The following SYNPO variants were observed in gnomAD, a reference collection of about 807,000 sequenced individuals.
SYNPO encodes the protein synaptopodin.
In SYNPO, 19 loss-of-function variants were observed where a neutral mutation model predicts 49.5. The observed-to-expected ratio is 0.38, with a 90% CI of 0.27 to 0.56. SYNPO has a LOEUF of 0.56. SYNPO is among the 20% of genes least tolerant of loss of function. SYNPO has a pLI of 0.68. For missense variants in SYNPO, 1,131 were observed against 1,248.3 expected (o/e 0.91, Z 1.42); for synonymous variants, 536 against 548.0 (o/e 0.98, Z 0.31).
At chr5:150,600,528 C>T (rs1001746118), upstream of SYNPO, among the ~76,000 whole-genome samples, 1 of 152,238 alleles carries the variant, frequency 6.6e-6, no homozygotes, top group Non-Finnish European at 1.5e-5. Context: ...GCCTTGGCTC[C>T]CCATCTCTGC....
At position 150,651,425 on chromosome 5, in the gene SYNPO, C is replaced by T. The variant is rs3776835; in HGVS notation, c.2028+1122C>T. On this transcript the variant is annotated intron_variant, in intron 2 of 2. Coordinates refer to ENST00000307662, the MANE Select transcript of SYNPO (RefSeq NM_007286.6). Reference sequence around the variant, plus strand: ...AATCTGTGAGGATTGAGAGGATAGGCTGGTGCTTTGAAGAAAGGCCTTGTA... The same window carrying T: ...AATCTGTGAGGATTGAGAGGATAGGTTGGTGCTTTGAAGAAAGGCCTTGTA... The T allele has an allele frequency of 0.021, 21,047 of 1,000,394 alleles. 3,021 individuals carry two copies. The African/African-American group carries it at 0.31, about 15-fold the overall frequency. The allele number at this position is 1,000,394 out of a possible 1,614,324, so 62.0% of individuals were successfully genotyped here.
chr5:150,623,123 A>G (rs755812433), intron 2 of SYNPO, among the ~76,000 whole-genome samples: 4 of 152,194 alleles, frequency 2.6e-5, no homozygotes, highest in Non-Finnish European at 5.9e-5. Flanking sequence ...ATCTGAAAAC[A>G]TATAAGCAGA....
the SYNPO span, among the ~76,000 whole-genome samples, chr5:150,591,702 C>G: frequency 6.6e-6 from 1 of 152,158 alleles, no homozygotes; most frequent in African/African-American, 2.4e-5. Context: ...ACTCACCGTA[C>G]ATAGTAACCA....
intron 2 of SYNPO, chr5:150,651,184 ATGTATCCAT>A (rs1758368850): frequency 1.9e-5 from 19 of 1,018,490 alleles, no homozygotes; most frequent in Non-Finnish European, 2.3e-5. Flanking sequence ...GCCCCTAGCC[ATGTATCCAT>A]TGGCTGTTTT....
intron 2 of SYNPO, among the ~76,000 whole-genome samples, chr5:150,654,605 G>A (rs1444039232): frequency 1.3e-5 from 2 of 152,134 alleles, no homozygotes; most frequent in African/African-American, 4.8e-5. Context: ...CCTCCAAGCT[G>A]TTCACCATCT....
intron 1 of SYNPO, among the ~76,000 whole-genome samples, chr5:150,616,060 G>A (rs1756976027): frequency 6.6e-6 from 1 of 152,210 alleles, no homozygotes. Context: ...TGCTATAACA[G>A]GTGCCTGGTT....
chr5:150,618,540 A>G lies in SYNPO; in HGVS notation c.173A>G (p.Asp58Gly), dbSNP rs750044156. The change falls in exon 2 of 3, where the codon GAT becomes GGT. Residue 58 changes from aspartate to glycine, a missense_variant. By Grantham distance (94) the Asp-to-Gly change is moderately conservative. Coordinates refer to the SYNPO transcript ENST00000394243. ...GTGGGGCCTACCGACCTGGAAGAGG[A>G]TGAGGGGGTCAGCAGGAGTGGGGAC... 6.5e-5 allele frequency: 101 copies of G among 1,550,862 alleles called. 2 individuals carry two copies. In the South Asian group the frequency reaches 1.2e-3, roughly 18 times the overall value.
intron 1 of SYNPO, among the ~76,000 whole-genome samples, chr5:150,644,513 G>A (rs1758020418): frequency 6.6e-6 from 1 of 152,224 alleles, no homozygotes; most frequent in African/African-American, 2.4e-5. Flanking sequence ...CCAATTGCCA[G>A]CTTATGCCAG....
intron 1 of SYNPO, among the ~76,000 whole-genome samples, chr5:150,609,442 G>A (rs1756782898): frequency 6.6e-6 from 1 of 152,136 alleles, no homozygotes; most frequent in East Asian, 1.9e-4. Context: ...TTACAGGCAT[G>A]CACCACCACG....
chr5:150,640,110 G>A, upstream of SYNPO: 1 of 985,198 alleles, frequency 1.0e-6, no homozygotes. Context: ...GTGAAGTAAG[G>A]CCCTGTCCTG....
intron 2 of SYNPO, among the ~76,000 whole-genome samples, chr5:150,627,246 C>T (rs1757387307): frequency 6.6e-6 from 1 of 152,206 alleles, no homozygotes; most frequent in Non-Finnish European, 1.5e-5. Flanking sequence ...GGGGGTGCTA[C>T]TGGTGAGGCC....
chr5:150,588,245 G>A, the SYNPO span, among the ~76,000 whole-genome samples: 2 of 152,252 alleles, frequency 1.3e-5, no homozygotes, highest in African/African-American at 4.8e-5. Flanking sequence ...CCTGGCCACC[G>A]GCCATATCTC....
intron 1 of SYNPO, among the ~76,000 whole-genome samples, chr5:150,609,768 G>C (rs1756793204): frequency 6.9e-6 from 1 of 145,820 alleles, no homozygotes; most frequent in African/African-American, 2.5e-5. Context: ...ACAGGGTGAG[G>C]GGGCACTGTG....
chr5:150,594,567 C>T, the SYNPO span, among the ~76,000 whole-genome samples: 3 of 152,170 alleles, frequency 2.0e-5, no homozygotes, highest in African/African-American at 4.8e-5. Flanking sequence ...TTCCCCTCTC[C>T]CTGGGCCTCA....
intron 2 of SYNPO, chr5:150,624,981 C>G (rs1308631531): frequency 3.0e-6 from 3 of 985,020 alleles, no homozygotes; most frequent in Non-Finnish European, 3.6e-6. Flanking sequence ...TGCGCTATTC[C>G]CGGCGCCGCC....
intron 2 of SYNPO, among the ~76,000 whole-genome samples, chr5:150,634,053 A>G (rs570408734): frequency 1.3e-5 from 2 of 152,184 alleles, no homozygotes; most frequent in Non-Finnish European, 2.9e-5. Context: ...GAAAGTCTGT[A>G]TTCCAGACAT....
chr5:150,647,935 T>A lies in SYNPO; in HGVS notation c.-332-9T>A. 6.5e-7 allele frequency: 1 copy of A among 1,550,004 alleles called. No homozygotes were observed. Among genetic ancestry groups the A allele is most frequent in the East Asian group, 2.4e-5 (1 of 41,004 alleles). ...TGTTTGCTAACTGGGCTTTTGTCCC[T>A]CCCTGTAGCGTTGGGCCGGAGCACT... On this transcript the variant is annotated splice_polypyrimidine_tract_variant and intron_variant, in intron 1 of 2. Coordinates refer to ENST00000307662, the MANE Select transcript of SYNPO (RefSeq NM_007286.6).
chr5:150,635,823 G>T (rs1403820979), upstream of SYNPO, among the ~76,000 whole-genome samples: 2 of 152,172 alleles, frequency 1.3e-5, no homozygotes, highest in East Asian at 3.8e-4. Flanking sequence ...AACCTGCCAG[G>T]TATGAGCCTG....
intron 1 of SYNPO, among the ~76,000 whole-genome samples, chr5:150,609,614 T>G (rs1756788668): frequency 6.6e-6 from 1 of 152,258 alleles, no homozygotes; most frequent in African/African-American, 2.4e-5. Flanking sequence ...TTTTCTGAAT[T>G]TTTAGTCCTT....
Sources: gnomAD v4.1 joint callset for allele counts (sites outside exome capture counted in the v4.1 genomes callset) on GRCh38, gnomAD v4.1.1 for gene constraint, MANE v1.5 for transcripts, NCBI Gene and HGNC (gene_info 2026-07-23, HGNC 2026-07-21) for gene names.